Variants in ROBO1 observed in about 807,000 individuals in gnomAD.
ROBO1 encodes roundabout guidance receptor 1, also known as roundabout homolog 1.
ROBO1 carries 149 observed loss-of-function variants against 195.9 expected under a neutral mutation model. That is an observed-to-expected ratio of 0.76 (90% CI 0.67 to 0.87). The LOEUF is 0.87. ROBO1 is among the 40% of genes least tolerant of loss of function. The probability of loss-of-function intolerance (pLI) is 0.00; values close to 1 mark genes in which losing one functional copy is unlikely to be tolerated. For missense variants in ROBO1, 1,933 were observed against 2,068.3 expected (o/e 0.93, Z 1.27); for synonymous variants, 816 against 733.2 (o/e 1.11, Z -1.82).
chr3:79,612,712 G>T (rs1944699205), intron 1 of ROBO1, among the ~76,000 whole-genome samples: 1 of 141,880 alleles, frequency 7.0e-6, no homozygotes, highest in Non-Finnish European at 1.5e-5. Flanking sequence ...ACTTTTTAAT[G>T]ATTGCCATTC....
chr3:79,657,868 A>C (rs560173353), intron 1 of ROBO1, among the ~76,000 whole-genome samples: 39 of 152,188 alleles, frequency 2.6e-4, no homozygotes, highest in African/African-American at 9.1e-4. Flanking sequence ...TGCTCTAGGC[A>C]TCTATACCCT....
chr3:79,732,989 A>G (rs776654281), intron 1 of ROBO1, among the ~76,000 whole-genome samples: 2 of 152,186 alleles, frequency 1.3e-5, no homozygotes, highest in Non-Finnish European at 2.9e-5. Flanking sequence ...CCGAAACCCA[A>G]ATTATCATCT....
intron 4 of ROBO1, among the ~76,000 whole-genome samples, chr3:78,788,904 C>T (rs1028625181): frequency 6.6e-6 from 1 of 152,128 alleles, no homozygotes; most frequent in Admixed American, 6.5e-5. Flanking sequence ...TTAGATTGCA[C>T]ACTAAACAAG....
rs117407108 is a variant in ROBO1 at position 79,351,463 on chromosome 3, G to A, written c.89-225924C>T. 2.4e-4 allele frequency among the ~76,000 whole-genome samples: 37 copies of A among 152,116 alleles called. No individual in the cohort carries two copies. The East Asian group carries it at 6.8e-3, about 28-fold the overall frequency. Reference sequence around the variant, plus strand: ...CCACACGTTTCTGGCTATGTTCCTCGATTAGCAAAGTCATTTTTTTTGTTT... The same window carrying A: ...CCACACGTTTCTGGCTATGTTCCTCAATTAGCAAAGTCATTTTTTTTGTTT... On this transcript the variant is annotated intron_variant, in intron 2 of 30. Transcript: ENST00000464233.
chr3:79,072,393 A>T (rs765964781), intron 3 of ROBO1, among the ~76,000 whole-genome samples: 2 of 151,882 alleles, frequency 1.3e-5, no homozygotes, highest in African/African-American at 4.8e-5. Flanking sequence ...CCTAATATAT[A>T]TTACTTTGGG....
chr3:79,691,032 G>A (rs1947283784), intron 1 of ROBO1, among the ~76,000 whole-genome samples: 1 of 151,772 alleles, frequency 6.6e-6, no homozygotes, highest in Non-Finnish European at 1.5e-5. Flanking sequence ...ACATCTTTAA[G>A]GTTCAGAAAC....
intron 8 of ROBO1, among the ~76,000 whole-genome samples, chr3:78,697,158 T>C (rs541883152): frequency 6.6e-6 from 1 of 152,168 alleles, no homozygotes; most frequent in South Asian, 2.1e-4. Context: ...TTTTGAAATC[T>C]TCTATGTACT....
At chr3:79,708,276 A>G (rs1287087127) in intron 1 of ROBO1, among the ~76,000 whole-genome samples, 3 of 152,158 alleles carry the variant, frequency 2.0e-5, no homozygotes, top group African/African-American at 7.2e-5. Flanking sequence ...TGAGAAGATA[A>G]CTATTTTCTT....
intron 3 of ROBO1, among the ~76,000 whole-genome samples, chr3:79,050,844 A>G (rs1347860772): frequency 6.6e-6 from 1 of 152,198 alleles, no homozygotes; most frequent in Non-Finnish European, 1.5e-5. Flanking sequence ...AGAAATAAAG[A>G]TGTTCTTTGA....
intron 2 of ROBO1, chr3:79,512,675 A>C (rs1272721203): frequency 6.6e-6 from 1 of 152,166 alleles, no homozygotes; most frequent in Non-Finnish European, 1.5e-5. Context: ...AGAATAATAC[A>C]TTCCAAAACA....
intron 2 of ROBO1, among the ~76,000 whole-genome samples, chr3:79,506,744 A>T (rs1940420915): frequency 1.3e-5 from 2 of 152,206 alleles, no homozygotes; most frequent in South Asian, 4.1e-4. Context: ...TGCCCGGCTG[A>T]GACAAAGCAA....
chr3:79,357,622 A>G (rs1458424871), intron 2 of ROBO1, among the ~76,000 whole-genome samples: 1 of 152,186 alleles, frequency 6.6e-6, no homozygotes, highest in Non-Finnish European at 1.5e-5. Flanking sequence ...TTTCAACTGA[A>G]CTGGATCTAC....
intron 4 of ROBO1, among the ~76,000 whole-genome samples, chr3:78,794,326 A>G (rs1185233369): frequency 6.6e-6 from 1 of 152,258 alleles, no homozygotes; most frequent in East Asian, 1.9e-4. Context: ...TATGTAAAAT[A>G]GAACAGAGCT....
rs772809464 is a variant in ROBO1 at position 78,668,203 on chromosome 3, A to G, written c.1730T>C (p.Val577Ala). Residue 577 changes from valine to alanine, a missense_variant, in exon 13 of 31, where the codon GTC becomes GCC. Val to Ala is a moderately conservative substitution (Grantham distance 64, BLOSUM62 0). Around this residue, in one of 3 missense-constraint regions of ROBO1, gnomAD observed 1,737 missense variants for 1,882.5 expected, o/e 0.92. Transcript: ENST00000464233. ...PEVTDVSRNT[V>A]TLSWQPNLNS... Reference sequence around the variant, plus strand: ...CAAATTTGGTTGCCACGATAATGTGACTGTATTTCTGCTGACATCTGTCAC... The same window carrying G: ...CAAATTTGGTTGCCACGATAATGTGGCTGTATTTCTGCTGACATCTGTCAC... 6.2e-7 allele frequency: 1 copy of G among 1,613,492 alleles called. No individual in the cohort carries two copies. The highest frequency in any genetic ancestry group is 1.1e-5 in the South Asian group (1 of 91,082).
chr3:79,285,228 G>A (rs1028680207), intron 2 of ROBO1, among the ~76,000 whole-genome samples: 13 of 152,136 alleles, frequency 8.5e-5, no homozygotes, highest in Non-Finnish European at 2.9e-5. Context: ...AAGCAGCAAG[G>A]AAGGGTTATT....
intron 2 of ROBO1, among the ~76,000 whole-genome samples, chr3:79,203,021 GA>G (rs149973443): frequency 0.025 from 3,823 of 150,878 alleles, 144 homozygotes; most frequent in African/African-American, 0.083. Context: ...TCCTCGAGGG[GA>G]AAAAAAAATA....
At position 79,672,759 on chromosome 3, in the gene ROBO1, T is replaced by C. The variant is rs150233531; in HGVS notation, c.-50-82798A>G. On this transcript the variant is annotated intron_variant, in intron 1 of 30. Transcript: ENST00000464233. Reference sequence around the variant, plus strand: ...CTGCTTCAAAAGTGGCAATTTGACATGCAAGGACAGAAATCTAGTTTCTGA... The same window carrying C: ...CTGCTTCAAAAGTGGCAATTTGACACGCAAGGACAGAAATCTAGTTTCTGA... 5.5e-3 allele frequency among the ~76,000 whole-genome samples: 841 copies of C among 152,048 alleles called. 3 individuals are homozygous for C. Among genetic ancestry groups the C allele is most frequent in the Non-Finnish European group, 9.9e-3 (670 of 67,930 alleles).
intron 2 of ROBO1, among the ~76,000 whole-genome samples, chr3:79,500,100 A>G (rs1355331881): frequency 7.2e-6 from 1 of 139,408 alleles, no homozygotes; most frequent in Admixed American, 7.5e-5. Context: ...GAGCCATCCC[A>G]TGCGGCAGTA....
chr3:79,211,760 T>A (rs2108803037), intron 2 of ROBO1, among the ~76,000 whole-genome samples: 1 of 152,272 alleles, frequency 6.6e-6, no homozygotes, highest in Admixed American at 6.5e-5. Flanking sequence ...AGCTGCTTCC[T>A]TTTCTTGCTT....
Sources: gnomAD v4.1 joint callset for allele counts (sites outside exome capture counted in the v4.1 genomes callset) on GRCh38, gnomAD v4.1.1 for gene constraint, gnomAD v4.1.1 regional missense constraint, MANE v1.5 for transcripts, NCBI Gene and HGNC (gene_info 2026-07-23, HGNC 2026-07-21) for gene names.